TXK: variants seen among roughly 807,000 people sequenced by gnomAD.
The protein encoded by TXK is TXK tyrosine kinase.
A neutral mutation model predicts 81.0 loss-of-function variants in TXK; 60 were observed. The ratio of observed to expected loss-of-function variants is 0.74; its 90% CI spans 0.60 to 0.92. The LOEUF (loss-of-function observed/expected upper bound fraction) is 0.92. TXK is among the 40% of genes least tolerant of loss of function. The pLI, the probability that TXK is intolerant of heterozygous loss-of-function variation, is 0.00. For synonymous variants in TXK, 203 were observed against 210.7 expected, an observed-to-expected ratio of 0.96 and a Z score of 0.32; for missense variants, 581 against 638.3, an observed-to-expected ratio of 0.91 and a Z score of 0.97.
At position 48,067,644 on chromosome 4, in the gene TXK, G is replaced by C. The variant is rs766180183; in HGVS notation, c.1577C>G (p.Thr526Ser). The change falls in exon 15 of 15, where the codon ACC (threonine) becomes AGC (serine). Residue 526 changes from threonine to serine, a missense_variant. Transcript: ENST00000264316. ...LLRAVTEIAE[T>S]W ...TTGGCATTCTGTTTCCGGTCACCAG[G>C]TTTCCGCAATCTCTGTGACAGCCCG... is the stretch of plus-strand genomic sequence containing the variant. 6 of 1,614,114 alleles carry C rather than the reference G, an allele frequency of 3.7e-6. No individual in the cohort carries two copies. The highest frequency in any genetic ancestry group is 4.5e-5 in the East Asian group (2 of 44,880).
chr4:48,107,354 T>A (rs985526195), intron 5 of TXK, among the ~76,000 whole-genome samples: 1 of 151,670 alleles, frequency 6.6e-6, no homozygotes, highest in Non-Finnish European at 1.5e-5. Context: ...GAACTCCACA[T>A]TGACACAGCA....
At chr4:48,126,535 C>G (rs57432780) in intron 1 of TXK, among the ~76,000 whole-genome samples, 3,590 of 152,252 alleles carry the variant, frequency 0.024, 150 homozygotes, top group African/African-American at 0.083. Context: ...GAGTCTTGCT[C>G]TGTCATCCAG....
intron 13 of TXK, 149 bp downstream of exon 13, chr4:48,073,786 C>CG: frequency 1.8e-6 from 1 of 554,920 alleles, no homozygotes; most frequent in Non-Finnish European, 3.2e-6. Flanking sequence ...CAAAGACAGT[C>CG]GGGATGTGGT....
chr4:48,074,054 C>G lies in TXK; in HGVS notation c.1239-1G>C. 6.2e-7 allele frequency: 1 copy of G among 1,606,706 alleles called. No homozygotes were observed. Among genetic ancestry groups the G allele is most frequent in the South Asian group, 1.1e-5 (1 of 90,746 alleles). On this transcript the variant is annotated splice_acceptor_variant, in intron 12 of 14. Transcript: ENST00000264316. LOFTEE classifies it high-confidence loss of function. ...GACATACTCATCATCCAAAACGTAC[C>G]TAAGTTTATCAGATTCAAAGCATAT...
At chr4:48,098,155 A>G (rs1458371549) in intron 6 of TXK, among the ~76,000 whole-genome samples, 1 of 152,214 alleles carries the variant, frequency 6.6e-6, no homozygotes, top group African/African-American at 2.4e-5. Context: ...TGACATGAAA[A>G]GAAGAAAAAC....
intron 4 of TXK, among the ~76,000 whole-genome samples, 187 bp downstream of exon 4, chr4:48,112,120 T>A (rs181389830): frequency 6.6e-6 from 1 of 152,324 alleles, no homozygotes; most frequent in Admixed American, 6.5e-5. Context: ...CATCAGGATG[T>A]GAAGCCAGGT....
chr4:48,132,045 T>A (rs1354414631), intron 1 of TXK, among the ~76,000 whole-genome samples: 3 of 152,042 alleles, frequency 2.0e-5, no homozygotes, highest in African/African-American at 7.2e-5. Context: ...ACCTGATTTT[T>A]TTTTTTTTTT....
intron 1 of TXK, among the ~76,000 whole-genome samples, chr4:48,132,495 G>C (rs2109491820): frequency 6.6e-6 from 1 of 152,256 alleles, no homozygotes; most frequent in East Asian, 1.9e-4. Context: ...TCCAGCATTT[G>C]TGGATCACAG....
At chr4:48,114,794 T>A (rs1008553886) in intron 1 of TXK, among the ~76,000 whole-genome samples, 3 of 152,238 alleles carry the variant, frequency 2.0e-5, no homozygotes, top group African/African-American at 4.8e-5. Context: ...CATATTTTTT[T>A]AAATTGAAAT....
intron 6 of TXK, among the ~76,000 whole-genome samples, chr4:48,100,937 T>G (rs1036217517): frequency 6.6e-6 from 1 of 151,826 alleles, no homozygotes; most frequent in South Asian, 2.1e-4. Context: ...TATATAAAAA[T>G]GTATATAGTA....
intron 8 of TXK, 134 bp downstream of exon 8, chr4:48,093,943 A>T: frequency 8.0e-7 from 1 of 1,246,266 alleles, no homozygotes; most frequent in Non-Finnish European, 1.1e-6. Context: ...ATTGCTCAAA[A>T]GATAAGTTGT....
intron 1 of TXK, among the ~76,000 whole-genome samples, chr4:48,122,357 TTTG>T (rs1309551345): frequency 1.3e-5 from 2 of 152,128 alleles, no homozygotes; most frequent in Non-Finnish European, 2.9e-5. Context: ...ATTCTTGGCT[TTTG>T]TTTTTTCCAG....
chr4:48,086,753 G>A, intron 9 of TXK, 116 bp from the exon 10 acceptor site: 1 of 961,070 alleles, frequency 1.0e-6, no homozygotes, highest in Non-Finnish European at 1.5e-6. Flanking sequence ...AATGTATAAA[G>A]TGGAGAGGAT....
At chr4:48,117,055 T>A (rs1435224513) in intron 1 of TXK, among the ~76,000 whole-genome samples, 1 of 152,088 alleles carries the variant, frequency 6.6e-6, no homozygotes, top group African/African-American at 2.4e-5. Flanking sequence ...CCAGCTAATT[T>A]TTTGTAGTTT....
At chr4:48,084,945 GT>G (rs1173668182) in intron 10 of TXK, among the ~76,000 whole-genome samples, 2 of 114,392 alleles carry the variant, frequency 1.7e-5, no homozygotes, top group Non-Finnish European at 3.9e-5. Flanking sequence ...TTGTTTGCTT[GT>G]TTGTTTGTTT....
chr4:48,121,578 C>T (rs905972666), intron 1 of TXK, among the ~76,000 whole-genome samples: 1 of 152,218 alleles, frequency 6.6e-6, no homozygotes, highest in Non-Finnish European at 1.5e-5. Context: ...GTAACCTACA[C>T]ACTTCCTCAC....
At chr4:48,110,425 C>T (rs982301674) in intron 5 of TXK, 113 bp downstream of exon 5, 34 of 693,732 alleles carry the variant, frequency 4.9e-5, no homozygotes, top group East Asian at 1.7e-4. Flanking sequence ...TTATTATTAA[C>T]GCTGTCAAAT....
intron 9 of TXK, among the ~76,000 whole-genome samples, chr4:48,087,479 A>G (rs1231584487): frequency 1.3e-5 from 2 of 151,728 alleles, no homozygotes; most frequent in Non-Finnish European, 2.9e-5. Flanking sequence ...TCTCTCACCC[A>G]GGCTGGAGTG....
rs776919019 is a variant in TXK at position 48,086,511 on chromosome 4, C to G, written c.911G>C (p.Gly304Ala). Residue 304 changes from glycine to alanine, a missense_variant, in exon 10 of 15, where the codon GGC becomes GCC. Transcript: ENST00000264316. ...IQVAIKAINE[G>A]SMSEEDFIEE... ...AATGAAATCCTCTTCAGACATGGAG[C>G]CTTCATTGATGGCCTTGATAGCTAC... 3 of 1,613,920 alleles carry G rather than the reference C, an allele frequency of 1.9e-6. No individual in the cohort carries two copies. The highest frequency in any genetic ancestry group is 2.7e-5 in the African/African-American group (2 of 74,890).
Sources: allele counts gnomAD v4.1 joint callset (sites outside exome capture counted in the v4.1 genomes callset), GRCh38; gene constraint gnomAD v4.1.1; transcripts MANE v1.5; gene names NCBI Gene and HGNC (gene_info 2026-07-23, HGNC 2026-07-21).